The following LAMA3 variants were observed in gnomAD, a reference collection of about 807,000 sequenced individuals.
The protein encoded by LAMA3 is laminin subunit alpha 3, also known as laminin subunit alpha-3.
A neutral mutation model predicts 402.0 loss-of-function variants in LAMA3; 281 were observed. The ratio of observed to expected loss-of-function variants is 0.70; its 90% confidence interval spans 0.63 to 0.77. The LOEUF (loss-of-function observed/expected upper bound fraction) is 0.77, where lower values mean the gene tolerates loss of function less well. Ranked by LOEUF, LAMA3 falls within the 30% of genes least tolerant of loss-of-function variation. LAMA3 has a pLI of 0.00. For missense variants in LAMA3, 3,840 were observed against 4,215.5 expected (o/e 0.91, Z 2.47); for synonymous variants, 1,431 against 1,558.4 (o/e 0.92, Z 1.93).
rs982246216 is a variant in LAMA3 at position 23,908,073 on chromosome 18, A to G, written c.7015+138A>G. 9.7e-5 allele frequency: 80 copies of G among 824,100 alleles called. No individual in the cohort carries two copies. In the African/African-American group the frequency reaches 1.0e-3, roughly 10 times the overall value. The allele number at this position is 824,100 out of a possible 1,614,324, so 51.0% of individuals were successfully genotyped here. On this transcript the variant is annotated intron_variant, in intron 54 of 74. Transcript: ENST00000313654. ...AAAACAGCTCCACCTGATACAGGAT[A>G]TATTCAAAGCGTATAGATATCCTGC...
intron 11 of LAMA3, among the ~76,000 whole-genome samples, chr18:23,779,851 C>A (rs573382917): frequency 6.6e-6 from 1 of 152,152 alleles, no homozygotes; most frequent in Non-Finnish European, 1.5e-5. Flanking sequence ...ACCTTCCTGA[C>A]GTCATTCCCT....
chr18:23,810,199 A>T (rs890747099), intron 12 of LAMA3, among the ~76,000 whole-genome samples, 167 bp from the exon 13 acceptor site: 1 of 152,358 alleles, frequency 6.6e-6, no homozygotes. Context: ...ACTGAGGCTT[A>T]GAGCAGTTGA....
intron 12 of LAMA3, among the ~76,000 whole-genome samples, chr18:23,796,501 T>TC (rs1352156929): frequency 1.3e-5 from 2 of 152,112 alleles, no homozygotes; most frequent in Non-Finnish European, 2.9e-5. Context: ...AAAACATAGT[T>TC]CCCCAAAGTG....
chr18:23,842,322 T>C (rs1598900201), intron 27 of LAMA3, 73 bp from the exon 28 acceptor site: 1 of 1,576,510 alleles, frequency 6.3e-7, no homozygotes, highest in Non-Finnish European at 8.7e-7. Context: ...TTGAATACTC[T>C]ATGATTCCAG....
chr18:23,912,929 G>T (rs374741608), intron 56 of LAMA3, 48 bp downstream of exon 56: 1 of 1,553,536 alleles, frequency 6.4e-7, no homozygotes, highest in South Asian at 1.1e-5. Context: ...AATGTTTTTC[G>T]AGAGGTGTGC....
At chr18:23,917,082 C>T (rs1234033001) in intron 60 of LAMA3, among the ~76,000 whole-genome samples, 1 of 152,072 alleles carries the variant, frequency 6.6e-6, no homozygotes, top group Admixed American at 6.5e-5. Context: ...CATGTGTACT[C>T]AATGTTTAAC....
At position 23,827,407 on chromosome 18, in the gene LAMA3, C is replaced by T. The variant is rs764868281; in HGVS notation, c.2763C>T (p.Pro921=). 3.5e-5 allele frequency: 56 copies of T among 1,614,016 alleles called. No individual in the cohort carries two copies. The Middle Eastern group carries it at 4.9e-4, about 14-fold the overall frequency. Residue 921 remains proline, a synonymous_variant, in exon 23 of 75, where the codon CCC becomes CCT. Coordinates refer to ENST00000313654, the MANE Select transcript of LAMA3 (RefSeq NM_198129.4). ...TCCTGCTTGATGGGGAGCCAAGACC[C>T]GTGGCAGTGAGGCAGCCCACACCTG... ...RHFLLDGEPR[P]VAVRQPTPAH...
rs150051339 is a variant in LAMA3, at chr18:23,747,826, C to G, written c.448-117C>G. On this transcript the variant is annotated intron_variant, in intron 2 of 74. Transcript: ENST00000313654. ...AATAGACAGGAATCAGGATCGGGAT[C>G]TTGAGCAAGGGATTGTGGTGGGACG... The G allele has an allele frequency of 2.0e-3, 1,498 of 741,766 alleles. 17 individuals are homozygous for G. Among genetic ancestry groups the G allele is most frequent in the South Asian group, 5.7e-3 (398 of 70,292 alleles). 45.9% of individuals were successfully genotyped at this position (741,766 alleles called of 1,614,324 possible). A position where few individuals can be genotyped will look rare whatever the true frequency, so the allele number is the denominator to read the frequency against.
intron 41 of LAMA3, among the ~76,000 whole-genome samples, chr18:23,885,156 AC>A (rs2065030442): frequency 8.5e-6 from 1 of 117,402 alleles, no homozygotes; most frequent in African/African-American, 3.4e-5. Flanking sequence ...ACACCTCCCT[AC>A]CTACCCCTCC....
chr18:23,848,363 T>G (rs1242380797), intron 32 of LAMA3, among the ~76,000 whole-genome samples: 2 of 152,114 alleles, frequency 1.3e-5, no homozygotes, highest in Non-Finnish European at 2.9e-5. Flanking sequence ...GAGGCTGCAT[T>G]GGAATGTGGA....
intron 65 of LAMA3, 30 bp from the exon 66 acceptor site, chr18:23,932,130 C>G: frequency 3.7e-6 from 6 of 1,613,064 alleles, no homozygotes; most frequent in Non-Finnish European, 5.1e-6. Flanking sequence ...CAGCAGTTCT[C>G]ACCCATGATT....
At chr18:23,791,734 T>TAAAAAAAA (rs11348422) in intron 12 of LAMA3, among the ~76,000 whole-genome samples, 1 of 89,674 alleles carries the variant, frequency 1.1e-5, no homozygotes, top group East Asian at 4.4e-4. Context: ...AGAATTTGTC[T>TAAAAAAAA]AAAAAAAAAA....
chr18:23,859,853 G>A (rs2064172790), intron 34 of LAMA3, among the ~76,000 whole-genome samples: 1 of 152,146 alleles, frequency 6.6e-6, no homozygotes, highest in African/African-American at 2.4e-5. Flanking sequence ...GTTGGGGGTA[G>A]GGCTGAAAGT....
chr18:23,856,439 C>T (rs967775720), intron 32 of LAMA3, among the ~76,000 whole-genome samples: 8 of 152,272 alleles, frequency 5.3e-5, no homozygotes, highest in African/African-American at 1.9e-4. Flanking sequence ...CCCTTAGTCC[C>T]ACAGAAGAGA....
chr18:23,824,980 A>G (rs1334265814), intron 21 of LAMA3, among the ~76,000 whole-genome samples: 1 of 152,160 alleles, frequency 6.6e-6, no homozygotes, highest in Non-Finnish European at 1.5e-5. Flanking sequence ...TCACCTGGTT[A>G]TTGTCTACAC....
rs1417580140 is a variant in LAMA3, at chr18:23,943,406, T to C, written c.9027-382T>C. Among the ~76,000 whole-genome samples, 5 of 152,218 alleles carry C rather than the reference T, an allele frequency of 3.3e-5. No individual in the cohort carries two copies. The East Asian group carries it at 7.7e-4, about 23-fold the overall frequency. ...GAATGTACTTAACAGTACTGAACTA[T>C]ACACTTAAAAAAGGTTAAGATGGCA... On this transcript the variant is annotated intron_variant, in intron 68 of 74. Coordinates refer to ENST00000313654, the MANE Select transcript of LAMA3 (RefSeq NM_198129.4).
intron 41 of LAMA3, among the ~76,000 whole-genome samples, chr18:23,885,228 C>T (rs1017112993): frequency 6.6e-6 from 1 of 151,336 alleles, no homozygotes; most frequent in Non-Finnish European, 1.5e-5. Context: ...TCTCCACATA[C>T]ACCTGCCCTC....
At chr18:23,873,029 A>G in intron 38 of LAMA3, 1 of 1,614,128 alleles carries the variant, frequency 6.2e-7, no homozygotes, top group East Asian at 2.2e-5. Flanking sequence ...CAGCCAGCGG[A>G]CGTCCAGGAA....
chr18:23,694,699 C>G (rs2060652383), intron 1 of LAMA3, among the ~76,000 whole-genome samples: 1 of 152,204 alleles, frequency 6.6e-6, no homozygotes, highest in Non-Finnish European at 1.5e-5. Context: ...GACATGCTAA[C>G]TACTCCTTCC....
Sources: gnomAD v4.1 joint callset for allele counts (sites outside exome capture counted in the v4.1 genomes callset) on GRCh38, gnomAD v4.1.1 for gene constraint, MANE v1.5 for transcripts, NCBI Gene and HGNC (gene_info 2026-07-23, HGNC 2026-07-21) for gene names.